The following HIVEP1 variants were observed in gnomAD, a reference collection of about 807,000 sequenced individuals.
HIVEP1 encodes HIVEP zinc finger 1.
A neutral mutation model predicts 180.0 loss-of-function variants in HIVEP1; 36 were observed. The ratio of observed to expected loss-of-function variants is 0.20; its 90% CI spans 0.15 to 0.26. The LOEUF (loss-of-function observed/expected upper bound fraction) is 0.26. Ranked by LOEUF, HIVEP1 falls within the 10% of genes least tolerant of loss-of-function variation. HIVEP1 has a pLI of 1.00. For missense variants in HIVEP1, 3,143 were observed against 3,268.7 expected, an observed-to-expected ratio of 0.96 and a Z score of 0.94; for synonymous variants, 1,239 against 1,239.0, an observed-to-expected ratio of 1.00 and a Z score of 0.00.
chr6:12,011,450 AC>A (rs1767294827), upstream of HIVEP1, among the ~76,000 whole-genome samples: 1 of 149,044 alleles, frequency 6.7e-6, no homozygotes, highest in South Asian at 2.1e-4. Context: ...CAACTGAGCG[AC>A]CCCGCCAGGC....
At chr6:12,168,083 A>AT (rs1562024420), downstream of HIVEP1, among the ~76,000 whole-genome samples, 17 of 62,290 alleles carry the variant, frequency 2.7e-4, 7 homozygotes, top group Non-Finnish European at 5.6e-4. Flanking sequence ...GTGTATATAT[A>AT]CATATATACA....
At chr6:12,129,699 A>G in intron 4 of HIVEP1, 60 bp from the exon 5 acceptor site, 4 of 1,344,924 alleles carry the variant, frequency 3.0e-6, no homozygotes, top group Non-Finnish European at 2.1e-6. Context: ...TTCCAGTGAA[A>G]GATTAGCATG....
chr6:12,047,497 G>A (rs745905062), intron 2 of HIVEP1, among the ~76,000 whole-genome samples: 42 of 152,352 alleles, frequency 2.8e-4, no homozygotes, highest in African/African-American at 5.0e-4. Context: ...TGGTCCCCAC[G>A]GTGCTGGGAG....
At chr6:12,098,373 C>T (rs4714187) in intron 3 of HIVEP1, among the ~76,000 whole-genome samples, 109,071 of 151,982 alleles carry the variant, frequency 0.72, 40,169 homozygotes, top group Middle Eastern at 0.9. Context: ...TGGGGATTCA[C>T]GGAAGAGTGG....
Position 12,080,224 on chromosome 6 carries a change from T to C in HIVEP1, c.41-8960T>C, listed in dbSNP as rs1171036859. 3.3e-5 allele frequency among the ~76,000 whole-genome samples: 5 copies of C among 152,150 alleles called. No homozygotes were observed. In the East Asian group the frequency reaches 9.6e-4, roughly 29 times the overall value. On this transcript the variant is annotated intron_variant, in intron 2 of 8. Coordinates refer to ENST00000379388, the MANE Select transcript of HIVEP1 (RefSeq NM_002114.4). ...TAGCTCGGCCCCTCACCTGGGCTCC[T>C]GTGGGCTCTGAAATAGTGTGAGGTT...
chr6:12,017,224 T>C (rs568959568), intron 2 of HIVEP1, among the ~76,000 whole-genome samples: 2 of 152,198 alleles, frequency 1.3e-5, no homozygotes, highest in South Asian at 2.1e-4. Flanking sequence ...TGTTTGTTAC[T>C]GTGTCTGGAA....
chr6:12,170,597 T>C, the HIVEP1 span, among the ~76,000 whole-genome samples: 148,495 of 152,298 alleles, frequency 0.98, 72,425 homozygotes, highest in East Asian at 1. Flanking sequence ...AAGCAAATAG[T>C]AGGGAACGTG....
chr6:12,051,001 C>CATACATATATAT lies in HIVEP1; in HGVS notation c.40+35336_40+35337insCATATATATATA, dbSNP rs1554135633. Among the ~76,000 whole-genome samples, 30 of 77,634 alleles carry CATACATATATAT rather than the reference C, an allele frequency of 3.9e-4. 1 individual carries two copies. The highest frequency in any genetic ancestry group is 1.0e-3 in the African/African-American group (24 of 23,038). The allele number at this position is 77,634 out of a possible 152,430, so 50.9% of individuals were successfully genotyped here. A position where few individuals can be genotyped will look rare whatever the true frequency, so the allele number is the denominator to read the frequency against. ...CATGTGTGTAGCAGATACACAAGTG[C>CATACATATATAT]ATATATATATATATATATATATATA... On this transcript the variant is annotated intron_variant, in intron 2 of 8. Transcript: ENST00000379388.
At chr6:12,172,973 C>T in the HIVEP1 span, among the ~76,000 whole-genome samples, 10 of 152,008 alleles carry the variant, frequency 6.6e-5, no homozygotes. Flanking sequence ...GATTTTGTAA[C>T]CTTTTTCTTT....
At chr6:12,182,642 G>A in the HIVEP1 span, among the ~76,000 whole-genome samples, 1 of 152,122 alleles carries the variant, frequency 6.6e-6, no homozygotes, top group African/African-American at 2.4e-5. Context: ...AGAGTACGTG[G>A]GTTCTTCCCT....
intron 3 of HIVEP1, among the ~76,000 whole-genome samples, chr6:12,090,734 C>CTTT (rs1561929824): frequency 4.8e-5 from 5 of 103,104 alleles, no homozygotes; most frequent in African/African-American, 1.7e-4. Context: ...CTATAGCCAG[C>CTTT]CTTTTTTTTT....
chr6:12,113,761 A>G (rs552683973), intron 3 of HIVEP1, among the ~76,000 whole-genome samples: 15 of 152,136 alleles, frequency 9.9e-5, no homozygotes, highest in African/African-American at 3.6e-4. Flanking sequence ...TCACCTTGTC[A>G]TGCTGTTCCC....
intron 6 of HIVEP1, among the ~76,000 whole-genome samples, chr6:12,134,936 A>G (rs899859671): frequency 6.6e-6 from 1 of 152,246 alleles, no homozygotes; most frequent in Non-Finnish European, 1.5e-5. Flanking sequence ...TAAAATTACA[A>G]TGACCCAAAA....
intron 2 of HIVEP1, among the ~76,000 whole-genome samples, chr6:12,076,853 T>G (rs1408660286): frequency 6.6e-6 from 1 of 152,168 alleles, no homozygotes; most frequent in Non-Finnish European, 1.5e-5. Flanking sequence ...TGATTGGGGC[T>G]GAAGGAAAGA....
chr6:12,015,122 T>G (rs1767652101), intron 1 of HIVEP1, among the ~76,000 whole-genome samples: 1 of 152,198 alleles, frequency 6.6e-6, no homozygotes, highest in Admixed American at 6.5e-5. Context: ...GTAGCCACAG[T>G]AGCAACCCCT....
chr6:12,131,962 G>A (rs1758447490), intron 6 of HIVEP1, among the ~76,000 whole-genome samples: 1 of 152,096 alleles, frequency 6.6e-6, no homozygotes, highest in Non-Finnish European at 1.5e-5. Context: ...GGCATTTAAA[G>A]AGAGTTATAA....
the HIVEP1 span, among the ~76,000 whole-genome samples, chr6:12,208,441 G>A: frequency 2.0e-5 from 3 of 152,138 alleles, no homozygotes; most frequent in Admixed American, 6.6e-5. Context: ...AACCAGACTC[G>A]CGAAGTAGGA....
intron 1 of HIVEP1, 59 bp downstream of exon 1, chr6:12,012,625 G>GC (rs1430881917): frequency 1.3e-4 from 15 of 119,844 alleles, no homozygotes; most frequent in African/African-American, 4.1e-4. Context: ...GGGGCGGAGG[G>GC]GGGGGGGGGC....
At chr6:12,109,609 G>A (rs1774752770) in intron 3 of HIVEP1, among the ~76,000 whole-genome samples, 1 of 152,178 alleles carries the variant, frequency 6.6e-6, no homozygotes, top group Admixed American at 6.5e-5. Context: ...CAGCAATTCA[G>A]TCACATCTTC....
Sources: allele counts gnomAD v4.1 joint callset (sites outside exome capture counted in the v4.1 genomes callset), GRCh38; gene constraint gnomAD v4.1.1; transcripts MANE v1.5; gene names NCBI Gene and HGNC (gene_info 2026-07-23, HGNC 2026-07-21).